POLK: variants seen among roughly 807,000 people sequenced by gnomAD.
The protein encoded by POLK is polymerase (DNA directed) kappa.
A neutral mutation model predicts 94.0 loss-of-function variants in POLK; 76 were observed. That is an observed-to-expected ratio of 0.81 (90% CI 0.67 to 0.98). The LOEUF is 0.98. Among genes scored for constraint, POLK ranks in the 50% least tolerant of loss-of-function variants. The pLI, the probability that POLK is intolerant of heterozygous loss-of-function variation, is 0.00. For missense variants in POLK, 954 were observed against 1,010.1 expected, an observed-to-expected ratio of 0.94 and a Z score of 0.75; for synonymous variants, 349 against 325.4, an observed-to-expected ratio of 1.07 and a Z score of -0.78.
intron 6 of POLK, among the ~76,000 whole-genome samples, chr5:75,578,846 C>G (rs930093692): frequency 1.1e-4 from 17 of 152,166 alleles, no homozygotes; most frequent in African/African-American, 3.9e-4. Context: ...TTTACTCTCC[C>G]ATGTAAATCT....
chr5:75,536,896 C>T (rs1769471690), intron 1 of POLK, among the ~76,000 whole-genome samples: 1 of 152,100 alleles, frequency 6.6e-6, no homozygotes, highest in South Asian at 2.1e-4. Context: ...CGGGTAGGGT[C>T]ATGTAGTTTG....
chr5:75,581,554 C>T (rs1012102869), intron 7 of POLK, 106 bp downstream of exon 7: 2 of 928,196 alleles, frequency 2.2e-6, no homozygotes, highest in African/African-American at 1.7e-5. Flanking sequence ...TAACATTTTA[C>T]TTACTTAGTC....
At chr5:75,565,418 C>G (rs1341889587) in intron 3 of POLK, among the ~76,000 whole-genome samples, 1 of 152,078 alleles carries the variant, frequency 6.6e-6, no homozygotes, top group Non-Finnish European at 1.5e-5. Context: ...CAGTTTTGTT[C>G]CCTTGCTGGC....
At chr5:75,550,959 C>T (rs1770305817) in intron 2 of POLK, among the ~76,000 whole-genome samples, 1 of 152,068 alleles carries the variant, frequency 6.6e-6, no homozygotes, top group Non-Finnish European at 1.5e-5. Flanking sequence ...CAGTGGCTCA[C>T]ACCTGTAATC....
intron 1 of POLK, among the ~76,000 whole-genome samples, chr5:75,535,844 C>T (rs1769415823): frequency 6.6e-6 from 1 of 152,116 alleles, no homozygotes; most frequent in African/African-American, 2.4e-5. Context: ...GGTCTATTAC[C>T]TCCTGTACTG....
chr5:75,588,062 G>A lies in POLK; in HGVS notation c.1259+1004G>A, dbSNP rs931114605. Among the ~76,000 whole-genome samples the A allele has an allele frequency of 3.3e-5, 5 of 151,832 alleles. No homozygotes were observed. The East Asian group carries it at 9.6e-4, about 29-fold the overall frequency. On this transcript the variant is annotated intron_variant, in intron 10 of 14. Coordinates refer to ENST00000241436, the Ensembl canonical transcript of POLK. ...GCTTTGATAAAAATTGCTATTTTAG[G>A]TTTTGGTCCATATGAAAGCAATCAA...
intron 1 of POLK, among the ~76,000 whole-genome samples, chr5:75,515,015 A>G (rs1288447651): frequency 2.6e-5 from 4 of 152,198 alleles, no homozygotes; most frequent in African/African-American, 7.2e-5. Context: ...ATTCATCCAC[A>G]TGCATTTTTA....
chr5:75,511,546 A>C, upstream of POLK: 1 of 1,458,868 alleles, frequency 6.9e-7, no homozygotes, highest in Non-Finnish European at 9.0e-7. Context: ...AGGGAAAAGA[A>C]GGGAAGAGAA....
At chr5:75,603,349 T>A (rs1317610894), downstream of POLK, among the ~76,000 whole-genome samples, 1 of 152,034 alleles carries the variant, frequency 6.6e-6, no homozygotes, top group Non-Finnish European at 1.5e-5. Context: ...GATTTGTCAG[T>A]TTTCCCTGCT....
At chr5:75,572,639 T>G (rs768286960) in intron 4 of POLK, among the ~76,000 whole-genome samples, 5 of 152,152 alleles carry the variant, frequency 3.3e-5, no homozygotes, top group African/African-American at 4.8e-5. Context: ...TTGGTAGAAA[T>G]ATAAGAAAAT....
At chr5:75,540,654 C>T (rs1769690711) in intron 1 of POLK, among the ~76,000 whole-genome samples, 1 of 151,948 alleles carries the variant, frequency 6.6e-6, no homozygotes, top group Non-Finnish European at 1.5e-5. Flanking sequence ...AAATACAGTA[C>T]CAAAAAAGGT....
chr5:75,563,196 A>C (rs934867831), intron 3 of POLK, among the ~76,000 whole-genome samples: 3 of 152,144 alleles, frequency 2.0e-5, no homozygotes, highest in Non-Finnish European at 4.4e-5. Flanking sequence ...TCCCAACCGC[A>C]GGTGATCTGC....
chr5:75,589,388 T>TACACACACACACACACACACACACACAC (rs71600465), intron 10 of POLK, among the ~76,000 whole-genome samples: 10 of 128,248 alleles, frequency 7.8e-5, no homozygotes, highest in Non-Finnish European at 9.8e-5. Context: ...TATACACACA[T>TACACACACACACACACACACACACACAC]ACACACACAC....
chr5:75,558,730 C>G (rs1415721728), intron 3 of POLK, among the ~76,000 whole-genome samples: 1 of 152,054 alleles, frequency 6.6e-6, no homozygotes, highest in African/African-American at 2.4e-5. Flanking sequence ...TTAAAAAAAT[C>G]AGTTCTATCC....
chr5:75,593,165 C>T (rs1030337599), intron 11 of POLK, among the ~76,000 whole-genome samples: 5 of 151,888 alleles, frequency 3.3e-5, no homozygotes, highest in African/African-American at 1.2e-4. Flanking sequence ...AGAGTCTTGC[C>T]CTGTCACACA....
intron 14 of POLK, 31 bp from the exon 15 acceptor site, chr5:75,597,903 C>A: frequency 2.4e-6 from 3 of 1,228,254 alleles, no homozygotes; most frequent in Non-Finnish European, 3.4e-6. Context: ...TCTCTTCCTG[C>A]ATTTTAATTG....
intron 3 of POLK, among the ~76,000 whole-genome samples, chr5:75,561,743 A>G (rs1001360836): frequency 1.3e-5 from 2 of 152,054 alleles, no homozygotes; most frequent in African/African-American, 2.4e-5. Context: ...AGTTTTCCCA[A>G]CACCATTTAT....
intron 1 of POLK, among the ~76,000 whole-genome samples, chr5:75,541,284 T>C (rs1422573059): frequency 6.6e-6 from 1 of 151,848 alleles, no homozygotes; most frequent in African/African-American, 2.4e-5. Context: ...AGACTGAAAC[T>C]CTGTCTTCTG....
intron 2 of POLK, among the ~76,000 whole-genome samples, chr5:75,551,726 G>A (rs149579163): frequency 8.9e-4 from 135 of 152,290 alleles, no homozygotes; most frequent in African/African-American, 3.2e-3. Flanking sequence ...ACAAATGTTG[G>A]CAAGAACGTG....
Sources: allele counts gnomAD v4.1 joint callset (sites outside exome capture counted in the v4.1 genomes callset), GRCh38; gene constraint gnomAD v4.1.1; transcripts MANE v1.5; gene names NCBI Gene and HGNC (gene_info 2026-07-23, HGNC 2026-07-21).